The following PRTFDC1 variants were observed in gnomAD, a reference collection of about 807,000 sequenced individuals.
The protein encoded by PRTFDC1 is phosphoribosyltransferase domain-containing protein 1.
PRTFDC1 carries 38 observed loss-of-function variants against 34.6 expected under a neutral mutation model. The ratio of observed to expected loss-of-function variants is 1.10; its 90% CI spans 0.85 to 1.44. The LOEUF (loss-of-function observed/expected upper bound fraction) is 1.44, where lower values mean the gene tolerates loss of function less well. PRTFDC1 is among the 40% of genes most tolerant of loss of function. PRTFDC1 has a pLI of 0.00. For synonymous variants in PRTFDC1, 93 were observed against 98.1 expected, an observed-to-expected ratio of 0.95 and a Z score of 0.31; for missense variants, 270 against 283.0, an observed-to-expected ratio of 0.95 and a Z score of 0.33.
intron 5 of PRTFDC1, among the ~76,000 whole-genome samples, chr10:24,858,187 C>T (rs1332171264): frequency 2.0e-5 from 3 of 152,164 alleles, no homozygotes; most frequent in Non-Finnish European, 4.4e-5. Context: ...AGGATAAAGT[C>T]GCCCACAAAT....
At chr10:24,877,524 C>T (rs543304962) in intron 3 of PRTFDC1, among the ~76,000 whole-genome samples, 1 of 152,272 alleles carries the variant, frequency 6.6e-6, no homozygotes, top group African/African-American at 2.4e-5. Context: ...GTTATGCTAG[C>T]TTCATGTAAT....
chr10:24,930,740 A>C (rs4748992), intron 3 of PRTFDC1, among the ~76,000 whole-genome samples: 22,228 of 152,012 alleles, frequency 0.15, 1,864 homozygotes, highest in East Asian at 0.28. Flanking sequence ...CATTATGTGT[A>C]GTACAAATAT....
intron 2 of PRTFDC1, among the ~76,000 whole-genome samples, chr10:24,941,123 G>A (rs1041381613): frequency 2.0e-5 from 3 of 151,846 alleles, no homozygotes; most frequent in African/African-American, 7.3e-5. Context: ...GTGTGATCAT[G>A]GCTCACTGCA....
At chr10:24,872,288 G>C (rs930438305) in intron 3 of PRTFDC1, among the ~76,000 whole-genome samples, 2 of 152,132 alleles carry the variant, frequency 1.3e-5, no homozygotes, top group Admixed American at 1.3e-4. Flanking sequence ...GGGTGTGCAG[G>C]GGGAGTGGGA....
At chr10:24,892,427 A>G (rs59516951) in intron 3 of PRTFDC1, among the ~76,000 whole-genome samples, 2,859 of 151,526 alleles carry the variant, frequency 0.019, 79 homozygotes, top group African/African-American at 0.066. Flanking sequence ...TGTCTTTTTC[A>G]TAATAGCCCT....
At chr10:24,920,814 C>T (rs12415620) in intron 3 of PRTFDC1, among the ~76,000 whole-genome samples, 16,771 of 152,080 alleles carry the variant, frequency 0.11, 1,231 homozygotes, top group East Asian at 0.28. Context: ...AATAATCTAT[C>T]CATTTGATAT....
intron 3 of PRTFDC1, among the ~76,000 whole-genome samples, chr10:24,903,234 A>T (rs149730823): frequency 9.4e-4 from 143 of 152,260 alleles, no homozygotes; most frequent in African/African-American, 3.4e-3. Context: ...AAAAGAAAAT[A>T]TAGGGATTGT....
At chr10:24,857,857 C>A (rs2132492750) in intron 5 of PRTFDC1, among the ~76,000 whole-genome samples, 1 of 152,148 alleles carries the variant, frequency 6.6e-6, no homozygotes, top group South Asian at 2.1e-4. Context: ...CCCACGTTCT[C>A]TTTTCTCTCT....
intron 3 of PRTFDC1, among the ~76,000 whole-genome samples, chr10:24,878,714 C>T (rs1039092929): frequency 1.3e-5 from 2 of 152,082 alleles, no homozygotes; most frequent in African/African-American, 4.8e-5. Context: ...GCTTTGAGAA[C>T]ATTCAGGAAA....
intron 3 of PRTFDC1, among the ~76,000 whole-genome samples, chr10:24,925,085 A>G (rs1462632580): frequency 1.3e-5 from 2 of 152,240 alleles, no homozygotes; most frequent in Non-Finnish European, 1.5e-5. Flanking sequence ...TCCATCAATG[A>G]TAGACTGGAT....
intron 1 of PRTFDC1, among the ~76,000 whole-genome samples, chr10:24,949,739 ATTTTTTTT>A (rs201933925): frequency 9.7e-4 from 113 of 117,082 alleles, no homozygotes; most frequent in Non-Finnish European, 1.7e-3. Context: ...TTATTTATTT[ATTTTTTTT>A]TTTTTTTTTA....
chr10:24,893,048 T>G lies in PRTFDC1; in HGVS notation c.340-20985A>C, dbSNP rs980691619. Among the ~76,000 whole-genome samples, 25 of 152,166 alleles carry G rather than the reference T, an allele frequency of 1.6e-4. 1 individual carries two copies. The highest frequency in any genetic ancestry group is 2.9e-4 in the African/African-American group (12 of 41,442). On this transcript the variant is annotated intron_variant, in intron 3 of 8. Coordinates refer to ENST00000320152, the MANE Select transcript of PRTFDC1 (RefSeq NM_020200.7). ...ATTTTGCTCATACAGTATCAGTCTT[T>G]GTAATAGCACACCTGACTGAAAGAA...
At chr10:24,949,415 A>AT (rs1393485241) in intron 1 of PRTFDC1, among the ~76,000 whole-genome samples, 1 of 151,856 alleles carries the variant, frequency 6.6e-6, no homozygotes, top group Non-Finnish European at 1.5e-5. Context: ...TACTAATTTG[A>AT]TTTTTTGTAT....
At chr10:24,868,185 G>A (rs1784930674) in intron 4 of PRTFDC1, 1 of 152,306 alleles carries the variant, frequency 6.6e-6, no homozygotes, top group African/African-American at 2.4e-5. Flanking sequence ...TTGAGGCTTG[G>A]GGGTCAACTG....
At chr10:24,934,244 GAA>G (rs1491302734) in intron 3 of PRTFDC1, among the ~76,000 whole-genome samples, 24,409 of 140,240 alleles carry the variant, frequency 0.17, 2,052 homozygotes, top group African/African-American at 0.21. Flanking sequence ...AGAAGAAGAA[GAA>G]GGAGAAGAAG....
intron 1 of PRTFDC1, among the ~76,000 whole-genome samples, chr10:24,947,380 C>G (rs1181010359): frequency 6.6e-6 from 1 of 152,158 alleles, no homozygotes. Flanking sequence ...CTGTAGATAA[C>G]TGTTATTCAC....
At chr10:24,877,880 C>T (rs1448524466) in intron 3 of PRTFDC1, among the ~76,000 whole-genome samples, 2 of 152,202 alleles carry the variant, frequency 1.3e-5, no homozygotes, top group Non-Finnish European at 2.9e-5. Context: ...CTCAGCCTCC[C>T]AAAGTGCTGG....
At chr10:24,854,588 T>C (rs189277762) in intron 7 of PRTFDC1, among the ~76,000 whole-genome samples, 4 of 152,182 alleles carry the variant, frequency 2.6e-5, no homozygotes, top group Non-Finnish European at 5.9e-5. Flanking sequence ...AAATCGCCTC[T>C]AGTGTTAGAA....
intron 7 of PRTFDC1, among the ~76,000 whole-genome samples, chr10:24,853,356 A>G (rs967955922): frequency 2.0e-5 from 3 of 151,922 alleles, no homozygotes; most frequent in Admixed American, 1.3e-4. Context: ...TCACGCCTGT[A>G]ATCCCAGCAC....
Sources: allele counts gnomAD v4.1 joint callset (sites outside exome capture counted in the v4.1 genomes callset), GRCh38; gene constraint gnomAD v4.1.1; transcripts MANE v1.5; gene names NCBI Gene and HGNC (gene_info 2026-07-23, HGNC 2026-07-21).